The following ANKRD12 variants were observed in gnomAD, a reference collection of about 807,000 sequenced individuals.
The protein encoded by ANKRD12 is ankyrin repeat domain 12.
A neutral mutation model predicts 183.4 loss-of-function variants in ANKRD12; 85 were observed. The ratio of observed to expected loss-of-function variants is 0.46; its 90% confidence interval spans 0.39 to 0.56. ANKRD12 has a LOEUF of 0.56. Among genes scored for constraint, ANKRD12 ranks in the 20% least tolerant of loss-of-function variants. The pLI, the probability that ANKRD12 is intolerant of heterozygous loss-of-function variation, is 0.00. For synonymous variants in ANKRD12, 914 were observed against 800.2 expected, an observed-to-expected ratio of 1.14 and a Z score of -2.40; for missense variants, 2,405 against 2,357.1, an observed-to-expected ratio of 1.02 and a Z score of -0.42.
At chr18:9,239,819 G>A (rs1014931047) in intron 8 of ANKRD12, among the ~76,000 whole-genome samples, 1 of 152,186 alleles carries the variant, frequency 6.6e-6, no homozygotes, top group Non-Finnish European at 1.5e-5. Flanking sequence ...GAATAACCAA[G>A]ATTATTAATT....
rs1186211093 is a variant in ANKRD12 at position 9,254,509 on chromosome 18, AAAAC to A, written c.1246_1249del (p.Gln416SerfsTer45). On this transcript the variant is annotated frameshift_variant, in exon 9 of 13. Coordinates refer to ENST00000262126, the MANE Select transcript of ANKRD12 (RefSeq NM_015208.5). LOFTEE classifies it high-confidence loss of function. ...TCTATCCTAAATCATTTAAAAGTAA[AAAAC>A]AAAAGCCATCTAGGGTCTTATATTC... The A allele has an allele frequency of 1.3e-6, 2 of 1,540,866 alleles. No homozygotes were observed. The highest frequency in any genetic ancestry group is 1.7e-6 in the Non-Finnish European group (2 of 1,149,656).
In ANKRD12 at chr18:9,258,460, C is replaced by A. The variant is rs1452815176; in HGVS notation, c.5193C>A (p.Ile1731=). Residue 1731 remains isoleucine, a synonymous_variant, in exon 9 of 13, where the codon ATC becomes ATA. Transcript: ENST00000262126. ...AAGATGATAAAACTGAAAACCAAAT[C>A]CCTCAAAGAATGACTAGAAACAAAG... The part of the protein sequence containing the change: ...NAEDDKTENQ[I]PQRMTRNKAN... The A allele has an allele frequency of 6.2e-7, 1 of 1,613,514 alleles. No homozygotes were observed. The highest frequency in any genetic ancestry group is 1.7e-5 in the Admixed American group (1 of 59,876).
Position 9,255,564 on chromosome 18 carries a change from AAAT to A in ANKRD12, c.2300_2302del (p.Ile767del). 3.2e-6 allele frequency: 5 copies of A among 1,570,666 alleles called. No individual in the cohort carries two copies. Among genetic ancestry groups the A allele is most frequent in the Non-Finnish European group, 4.3e-6 (5 of 1,168,776 alleles). On this transcript the variant is annotated inframe_deletion, in exon 9 of 13. Coordinates refer to ENST00000262126, the MANE Select transcript of ANKRD12 (RefSeq NM_015208.5). ...AGCGAGAAATCTTTTAGGGAGGAAA[AAAT>A]AAAAGATCTAAAAGAAGAGAGAGAA... is the stretch of plus-strand genomic sequence containing the variant.
chr18:9,236,005 C>G (rs1283044766), intron 8 of ANKRD12, among the ~76,000 whole-genome samples: 1 of 150,966 alleles, frequency 6.6e-6, no homozygotes, highest in Non-Finnish European at 1.5e-5. Flanking sequence ...AAGGGAAAAG[C>G]CTTATATGTT....
At chr18:9,253,884 A>C (rs2145160037) in intron 8 of ANKRD12, among the ~76,000 whole-genome samples, 1 of 152,332 alleles carries the variant, frequency 6.6e-6, no homozygotes, top group African/African-American at 2.4e-5. Flanking sequence ...AAAGAAAGGA[A>C]ATCAGTATAT....
rs888307791 is a variant in ANKRD12 at position 9,186,997 on chromosome 18, G to A, written c.87+4478G>A. 2.0e-5 allele frequency among the ~76,000 whole-genome samples: 3 copies of A among 152,030 alleles called. No individual in the cohort carries two copies. In the East Asian group the frequency reaches 5.8e-4, roughly 29 times the overall value. On this transcript the variant is annotated intron_variant, in intron 2 of 12. Transcript: ENST00000262126. The stretch of plus-strand genomic sequence containing the variant: ...CGAATGGTCTCAATCTCCTGACCTC[G>A]TGATCCGCCCACCTCAGCCTCCCAA...
Position 9,257,977 on chromosome 18 carries a change from A to G in ANKRD12, c.4710A>G (p.Gln1570=), listed in dbSNP as rs777509221. Residue 1570 remains glutamine (Q), a synonymous_variant, in exon 9 of 13, where the codon CAA becomes CAG. Coordinates refer to ENST00000262126, the MANE Select transcript of ANKRD12 (RefSeq NM_015208.5). The part of the protein sequence containing the change: ...FVPVYSDSTI[Q]EASPNFEKAY... The stretch of plus-strand genomic sequence containing the variant: ...CAGTGTACTCTGACAGCACTATTCA[A>G]GAAGCATCACCAAACTTTGAGAAAG... The G allele has an allele frequency of 7.4e-6, 12 of 1,613,804 alleles. No homozygotes were observed. The South Asian group carries it at 8.8e-5, about 12-fold the overall frequency.
chr18:9,151,562 C>G (rs1435197227), intron 1 of ANKRD12, among the ~76,000 whole-genome samples: 1 of 152,156 alleles, frequency 6.6e-6, no homozygotes, highest in Non-Finnish European at 1.5e-5. Flanking sequence ...CTCACGCTCC[C>G]AGATCACACT....
intron 8 of ANKRD12, among the ~76,000 whole-genome samples, chr18:9,242,304 C>CT (rs1243250513): frequency 6.6e-6 from 1 of 152,014 alleles, no homozygotes; most frequent in African/African-American, 2.4e-5. Context: ...TCCTTAGAAA[C>CT]TGAATTTCTA....
chr18:9,173,638 G>A (rs1210064493), intron 1 of ANKRD12, among the ~76,000 whole-genome samples: 1 of 151,034 alleles, frequency 6.6e-6, no homozygotes, highest in African/African-American at 2.4e-5. Flanking sequence ...AGGGGGGGCA[G>A]TACTGACCTG....
chr18:9,203,871 C>T (rs2035325921), intron 3 of ANKRD12, among the ~76,000 whole-genome samples: 1 of 152,198 alleles, frequency 6.6e-6, no homozygotes. Context: ...TCCCGAAGTG[C>T]TGGGATTACA....
intron 3 of ANKRD12, 137 bp downstream of exon 3, chr18:9,195,835 G>A: frequency 1.2e-6 from 1 of 840,730 alleles, no homozygotes; most frequent in Non-Finnish European, 1.7e-6. Flanking sequence ...TTATCATTTT[G>A]GGGTAGGAAT....
chr18:9,137,557 C>G (rs1260429301), intron 1 of ANKRD12: 1 of 150,036 alleles, frequency 6.7e-6, no homozygotes, highest in Admixed American at 6.6e-5. Context: ...GCCGGGGAGT[C>G]TGCCGCGGCC....
chr18:9,161,069 G>A lies in ANKRD12; in HGVS notation c.-51-21313G>A, dbSNP rs182855762. 2.9e-3 allele frequency among the ~76,000 whole-genome samples: 447 copies of A among 152,096 alleles called. 2 individuals carry two copies. The highest frequency in any genetic ancestry group is 0.01 in the African/African-American group (434 of 41,498). ...GCTTAGGCTAGTTTTGAACTCCTGGGCTCAAGCAATCCTCTTGCCTTGGCC... is the reference window on the plus strand; with the variant it reads ...GCTTAGGCTAGTTTTGAACTCCTGGACTCAAGCAATCCTCTTGCCTTGGCC... On this transcript the variant is annotated intron_variant, in intron 1 of 12. Coordinates refer to ENST00000262126, the MANE Select transcript of ANKRD12 (RefSeq NM_015208.5).
At chr18:9,249,921 A>T (rs573832017) in intron 8 of ANKRD12, among the ~76,000 whole-genome samples, 13 of 152,336 alleles carry the variant, frequency 8.5e-5, no homozygotes, top group African/African-American at 2.9e-4. Flanking sequence ...AAGCAATGAA[A>T]GAGGGGAGTC....
intron 1 of ANKRD12, among the ~76,000 whole-genome samples, chr18:9,173,891 T>G (rs572764536): frequency 1.2e-3 from 178 of 152,316 alleles, no homozygotes; most frequent in Non-Finnish European, 2.0e-3. Context: ...AAAAAAATAA[T>G]AAGAAGAAGA....
chr18:9,269,460 G>A (rs1345021200), intron 10 of ANKRD12, among the ~76,000 whole-genome samples: 1 of 152,064 alleles, frequency 6.6e-6, no homozygotes, highest in African/African-American at 2.4e-5. Flanking sequence ...CTCAGAAATA[G>A]TGCCACATAT....
chr18:9,263,598 C>G (rs1188925007), intron 9 of ANKRD12, among the ~76,000 whole-genome samples, 192 bp from the exon 10 acceptor site: 2 of 152,230 alleles, frequency 1.3e-5, no homozygotes, highest in East Asian at 1.9e-4. Context: ...GCCTTAGAAT[C>G]AAAACATCTA....
chr18:9,204,107 T>C (rs2035341907), intron 3 of ANKRD12, among the ~76,000 whole-genome samples: 1 of 152,170 alleles, frequency 6.6e-6, no homozygotes, highest in Admixed American at 6.5e-5. Flanking sequence ...GAACAAAAAG[T>C]GTAAGACAAG....
Sources: allele counts gnomAD v4.1 joint callset (sites outside exome capture counted in the v4.1 genomes callset), GRCh38; gene constraint gnomAD v4.1.1; transcripts MANE v1.5; gene names NCBI Gene and HGNC (gene_info 2026-07-23, HGNC 2026-07-21).